The following JADE3 variants were observed in gnomAD, a reference collection of about 807,000 sequenced individuals.
JADE3 encodes the protein jade family PHD finger 3, also known as protein Jade-3.
In JADE3, 2 loss-of-function variants were observed where a neutral mutation model predicts 50.1. That is an observed-to-expected ratio of 0.04 (90% CI 0.02 to 0.13). JADE3 has a LOEUF of 0.13. Among genes scored for constraint, JADE3 ranks in the 10% least tolerant of loss-of-function variants. JADE3 has a pLI of 1.00. For synonymous variants in JADE3, 218 were observed against 232.9 expected, an observed-to-expected ratio of 0.94 and a Z score of 0.58; for missense variants, 475 against 634.4, an observed-to-expected ratio of 0.75 and a Z score of 2.70.
intron 2 of JADE3, among the ~76,000 whole-genome samples, chrX:46,985,447 A>G (rs1927840394): frequency 8.9e-6 from 1 of 112,255 alleles, no homozygotes; most frequent in East Asian, 2.8e-4. Context: ...ATTGCAGAAC[A>G]TTATGAGGTG....
At chrX:46,997,231 C>T (rs781992237) in intron 3 of JADE3, among the ~76,000 whole-genome samples, 7 of 111,484 alleles carry the variant, frequency 6.3e-5, no homozygotes, top group Middle Eastern at 4.2e-3. Context: ...GGCCAGGCAC[C>T]GTGCCTCACG....
intron 1 of JADE3, among the ~76,000 whole-genome samples, chrX:46,929,245 G>T (rs1258529290): frequency 8.9e-6 from 1 of 112,330 alleles, no homozygotes; most frequent in Non-Finnish European, 1.9e-5. Context: ...TACAGGAGCG[G>T]TGTTTGTGTA....
At chrX:46,951,172 G>A (rs958539285) in intron 1 of JADE3, among the ~76,000 whole-genome samples, 3 of 106,376 alleles carry the variant, frequency 2.8e-5, no homozygotes, top group Non-Finnish European at 5.8e-5. Flanking sequence ...TCCGCCTCCC[G>A]GGTTCAAGCG....
chrX:46,926,524 G>T (rs1384390921), intron 1 of JADE3, among the ~76,000 whole-genome samples: 1 of 112,083 alleles, frequency 8.9e-6, no homozygotes, highest in African/African-American at 3.2e-5. Context: ...GGGATTACAG[G>T]CGTGAGCCAC....
At chrX:46,946,370 C>T (rs1396696805) in intron 1 of JADE3, among the ~76,000 whole-genome samples, 1 of 111,327 alleles carries the variant, frequency 9.0e-6, no homozygotes, top group African/African-American at 3.3e-5. Flanking sequence ...TGTGTTCTTA[C>T]GTCATCACCC....
intron 8 of JADE3, among the ~76,000 whole-genome samples, chrX:47,050,673 A>T (rs1929486410): frequency 8.9e-6 from 1 of 112,036 alleles, no homozygotes; most frequent in Non-Finnish European, 1.9e-5. Flanking sequence ...ATTTTGAGTA[A>T]TTTATGTTTA....
chrX:46,967,763 C>T (rs1291564328), intron 1 of JADE3, among the ~76,000 whole-genome samples: 1 of 112,044 alleles, frequency 8.9e-6, no homozygotes, highest in Non-Finnish European at 1.9e-5. Flanking sequence ...ATTGCTTTTA[C>T]AGAACTAACA....
At chrX:47,007,004 A>G (rs1556360488) in intron 4 of JADE3, among the ~76,000 whole-genome samples, 1 of 105,252 alleles carries the variant, frequency 9.5e-6, no homozygotes. Flanking sequence ...AGATCTCACT[A>G]TATTGTCCAG....
At chrX:46,924,079 C>G (rs1233224986) in intron 1 of JADE3, among the ~76,000 whole-genome samples, 1 of 111,926 alleles carries the variant, frequency 8.9e-6, no homozygotes, top group East Asian at 2.8e-4. Flanking sequence ...AAGTCCTTCC[C>G]CCAAAGACTA....
intron 1 of JADE3, among the ~76,000 whole-genome samples, chrX:46,947,466 C>T (rs781999557): frequency 9.0e-6 from 1 of 111,364 alleles, no homozygotes; most frequent in African/African-American, 3.3e-5. Context: ...CAGACTGATC[C>T]CCCTTTTATT....
chrX:47,001,552 A>C (rs1218704760), intron 4 of JADE3, among the ~76,000 whole-genome samples: 2 of 111,676 alleles, frequency 1.8e-5, no homozygotes, highest in African/African-American at 6.5e-5. Flanking sequence ...CTTTGTTTGG[A>C]GTACCTAATT....
chrX:47,045,852 A>C (rs1387218140), intron 8 of JADE3, among the ~76,000 whole-genome samples: 15 of 110,994 alleles, frequency 1.4e-4, no homozygotes, highest in Non-Finnish European at 2.8e-4. Context: ...CAAAAAAAAA[A>C]AAATGGGAAC....
chrX:47,005,698 A>G (rs1205597860), intron 4 of JADE3, among the ~76,000 whole-genome samples: 2 of 112,293 alleles, frequency 1.8e-5, no homozygotes, highest in African/African-American at 3.2e-5. Flanking sequence ...CTGAGTGGAC[A>G]GTCAGGATTT....
intron 1 of JADE3, among the ~76,000 whole-genome samples, chrX:46,977,359 A>G: frequency 8.9e-6 from 1 of 111,932 alleles, no homozygotes; most frequent in Non-Finnish European, 1.9e-5. Flanking sequence ...ACTCTGTCTC[A>G]AAAACAACAA....
chrX:46,989,073 C>A (rs782280359), intron 3 of JADE3, among the ~76,000 whole-genome samples: 1 of 111,275 alleles, frequency 9.0e-6, no homozygotes, highest in Non-Finnish European at 1.9e-5. Flanking sequence ...CTCCTGACCT[C>A]GTGATCCACC....
At chrX:46,923,775 G>C (rs782768785) in intron 1 of JADE3, among the ~76,000 whole-genome samples, 1 of 110,668 alleles carries the variant, frequency 9.0e-6, no homozygotes, top group South Asian at 3.9e-4. Context: ...GCTTAGCTTT[G>C]GGTTTTTACT....
At chrX:46,918,795 CA>C (rs1366308794) in intron 1 of JADE3, among the ~76,000 whole-genome samples, 1 of 112,051 alleles carries the variant, frequency 8.9e-6, no homozygotes, top group Non-Finnish European at 1.9e-5. Context: ...CTTGAAGTCA[CA>C]GAGTAGCAAG....
intron 4 of JADE3, among the ~76,000 whole-genome samples, chrX:46,999,685 G>A (rs1046542731): frequency 9.2e-6 from 1 of 109,255 alleles, no homozygotes; most frequent in Non-Finnish European, 1.9e-5. Context: ...AAATAGGAGA[G>A]GGCTTTGGTT....
At chrX:47,005,438 A>T (rs1449675374) in intron 4 of JADE3, among the ~76,000 whole-genome samples, 1 of 111,048 alleles carries the variant, frequency 9.0e-6, no homozygotes, top group Non-Finnish European at 1.9e-5. Context: ...GTGGGGTTTC[A>T]CCACGTTGGC....
Sources: allele counts gnomAD v4.1 joint callset (sites outside exome capture counted in the v4.1 genomes callset), GRCh38; gene constraint gnomAD v4.1.1; transcripts MANE v1.5; gene names NCBI Gene and HGNC (gene_info 2026-07-23, HGNC 2026-07-21).